The following EGFR variants were observed in gnomAD, a reference collection of about 807,000 sequenced individuals.
The protein encoded by EGFR is avian erythroblastic leukemia viral (v-erb-b) oncogene homolog.
EGFR carries 58 observed loss-of-function variants against 143.0 expected under a neutral mutation model. That is an observed-to-expected ratio of 0.41 (90% CI 0.33 to 0.50). The LOEUF (loss-of-function observed/expected upper bound fraction) is 0.50, where lower values mean the gene tolerates loss of function less well. Among genes scored for constraint, EGFR ranks in the 20% least tolerant of loss-of-function variants. EGFR has a pLI of 0.39. For synonymous variants in EGFR, 613 were observed against 594.4 expected, an observed-to-expected ratio of 1.03 and a Z score of -0.45; for missense variants, 1,307 against 1,579.0, an observed-to-expected ratio of 0.83 and a Z score of 2.92.
At chr7:55,020,559 T>TACACACACACACACACAC (rs11568315) in intron 1 of EGFR, among the ~76,000 whole-genome samples, 59 of 145,238 alleles carry the variant, frequency 4.1e-4, no homozygotes, top group African/African-American at 1.1e-3. Flanking sequence ...AAACCTGTCT[T>TACACACACACACACACAC]ACACACACAC....
At chr7:55,141,203 G>A (rs1584139407) in intron 1 of EGFR, among the ~76,000 whole-genome samples, 1 of 152,178 alleles carries the variant, frequency 6.6e-6, no homozygotes, top group East Asian at 1.9e-4. Flanking sequence ...AGATAATTTG[G>A]GTTCAAATTA....
intron 11 of EGFR, among the ~76,000 whole-genome samples, chr7:55,158,395 T>G (rs1336950524): frequency 2.6e-5 from 4 of 152,184 alleles, no homozygotes; most frequent in Non-Finnish European, 5.9e-5. Flanking sequence ...CTGCCCCTAC[T>G]TGACTCTTAA....
intron 1 of EGFR, among the ~76,000 whole-genome samples, chr7:55,132,781 C>A (rs907391471): frequency 6.6e-6 from 1 of 152,208 alleles, no homozygotes; most frequent in African/African-American, 2.4e-5. Flanking sequence ...TCCTTCAGGG[C>A]AGTGAGTACT....
At chr7:55,173,783 T>G (rs2128953249) in intron 17 of EGFR, 138 bp from the exon 18 acceptor site, 105 of 1,348,416 alleles carry the variant, frequency 7.8e-5, no homozygotes, top group Middle Eastern at 2.3e-4. Context: ...TCCTTCCAAA[T>G]GAGCTGGCAA....
intron 1 of EGFR, among the ~76,000 whole-genome samples, chr7:55,127,161 A>G (rs985997195): frequency 4.6e-5 from 7 of 152,134 alleles, no homozygotes; most frequent in East Asian, 1.9e-4. Flanking sequence ...AGCATTTTTG[A>G]TGAGTGGCAG....
intron 1 of EGFR, among the ~76,000 whole-genome samples, chr7:55,085,543 T>C (rs1178663290): frequency 6.6e-6 from 1 of 152,238 alleles, no homozygotes; most frequent in African/African-American, 2.4e-5. Flanking sequence ...AACCTAACAA[T>C]GTAGAAAGAC....
intron 1 of EGFR, among the ~76,000 whole-genome samples, chr7:55,059,675 G>C (rs1336339653): frequency 6.6e-6 from 1 of 151,854 alleles, no homozygotes; most frequent in Non-Finnish European, 1.5e-5. Flanking sequence ...ACTTTTGACT[G>C]AATGGATTTA....
chr7:55,136,624 T>G (rs958463443), intron 1 of EGFR, among the ~76,000 whole-genome samples: 14 of 152,250 alleles, frequency 9.2e-5, no homozygotes, highest in African/African-American at 3.4e-4. Flanking sequence ...ACAGTTTGAC[T>G]TAAGATTTTT....
intron 15 of EGFR, among the ~76,000 whole-genome samples, chr7:55,167,432 T>C (rs1356801377): frequency 9.0e-5 from 13 of 144,024 alleles, no homozygotes; most frequent in Middle Eastern, 4.3e-3. Flanking sequence ...GTGATGGTGA[T>C]GAGGAGGTGG....
chr7:55,055,095 G>T (rs570877987), intron 1 of EGFR, among the ~76,000 whole-genome samples: 40 of 151,696 alleles, frequency 2.6e-4, no homozygotes, highest in African/African-American at 8.2e-4. Flanking sequence ...CTGTCTTTTG[G>T]GTCCCCATAA....
At chr7:55,184,340 T>C (rs1277375022) in intron 20 of EGFR, among the ~76,000 whole-genome samples, 1 of 152,212 alleles carries the variant, frequency 6.6e-6, no homozygotes, top group East Asian at 1.9e-4. Context: ...CCTCATTCCC[T>C]GGCGCAGCAT....
chr7:55,055,116 G>A (rs1362347550), intron 1 of EGFR, among the ~76,000 whole-genome samples: 1 of 152,152 alleles, frequency 6.6e-6, no homozygotes, highest in African/African-American at 2.4e-5. Flanking sequence ...TAACTGACAT[G>A]GGTCGGCCCG....
rs962875491 is a variant in EGFR, at chr7:55,210,337, C to G, written c.*4720C>G. ...ACACTTTGGTTAGTTCACCAACAGTCTTACCAAGCCTGGGCCCAGCCACCC... is the reference window on the plus strand; with the variant it reads ...ACACTTTGGTTAGTTCACCAACAGTGTTACCAAGCCTGGGCCCAGCCACCC... On this transcript the variant is annotated 3_prime_UTR_variant, in exon 28 of 28. Transcript: ENST00000275493. 4.6e-5 allele frequency: 7 copies of G among 152,214 alleles called. No individual in the cohort carries two copies. Among genetic ancestry groups the G allele is most frequent in the Non-Finnish European group, 8.8e-5 (6 of 68,034 alleles). 9.4% of individuals were successfully genotyped at this position (152,214 alleles called of 1,614,324 possible).
chr7:55,199,546 G>A (rs192685524), intron 23 of EGFR, among the ~76,000 whole-genome samples: 1 of 152,308 alleles, frequency 6.6e-6, no homozygotes, highest in Non-Finnish European at 1.5e-5. Flanking sequence ...TTGGGCTAAG[G>A]AAGCTGTGAT....
Position 55,168,705 on chromosome 7 carries a change from G to A in EGFR, c.1881-2470G>A, listed in dbSNP as rs1019874871. 12 of 948,644 alleles carry A rather than the reference G, an allele frequency of 1.3e-5. No individual in the cohort carries two copies. The South Asian group carries it at 2.1e-4, about 16-fold the overall frequency. 58.8% of individuals were successfully genotyped at this position (948,644 alleles called of 1,614,324 possible). ...TTCCTGATTCTGAGCCTTTTTAGAT[G>A]AGTATATAGTTTGATATAATCTTGT... is the stretch of plus-strand genomic sequence containing the variant. On this transcript the variant is annotated intron_variant, in intron 15 of 27. Coordinates refer to ENST00000275493, the MANE Select transcript of EGFR (RefSeq NM_005228.5).
chr7:55,203,657 CCACACA>C (rs969252418), intron 27 of EGFR, among the ~76,000 whole-genome samples: 1 of 140,276 alleles, frequency 7.1e-6, no homozygotes, highest in African/African-American at 2.7e-5. Flanking sequence ...ACACCACACA[CCACACA>C]CACACATACA....
intron 3 of EGFR, among the ~76,000 whole-genome samples, chr7:55,143,931 G>A (rs1421373664): frequency 2.0e-5 from 3 of 152,196 alleles, no homozygotes; most frequent in African/African-American, 4.8e-5. Flanking sequence ...AGAAAGCCCT[G>A]TGTAAGTTAA....
At chr7:55,032,658 T>C (rs917352521) in intron 1 of EGFR, among the ~76,000 whole-genome samples, 5 of 152,240 alleles carry the variant, frequency 3.3e-5, no homozygotes, top group Admixed American at 1.3e-4. Context: ...TCATGCTTTC[T>C]GTTATTACTA....
chr7:55,033,964 G>A (rs1787413671), intron 1 of EGFR, among the ~76,000 whole-genome samples: 1 of 152,138 alleles, frequency 6.6e-6, no homozygotes, highest in African/African-American at 2.4e-5. Flanking sequence ...TATGACGACT[G>A]TGACTGGCCC....
Sources: allele counts gnomAD v4.1 joint callset (sites outside exome capture counted in the v4.1 genomes callset), GRCh38; gene constraint gnomAD v4.1.1; transcripts MANE v1.5; gene names NCBI Gene and HGNC (gene_info 2026-07-23, HGNC 2026-07-21).